PTPRD: variants seen among roughly 807,000 people sequenced by gnomAD.
The protein encoded by PTPRD is receptor-type tyrosine-protein phosphatase delta.
Under a neutral mutation model 214.5 loss-of-function variants are expected in PTPRD, and 34 were observed. That is an observed-to-expected ratio of 0.16 (90% CI 0.12 to 0.21). PTPRD has a LOEUF of 0.21. Ranked by LOEUF, PTPRD falls within the 10% of genes least tolerant of loss-of-function variation. PTPRD has a pLI of 1.00. For synonymous variants in PTPRD, 1,128 were observed against 845.7 expected (o/e 1.33, Z -5.79); for missense variants, 2,545 against 2,398.7 (o/e 1.06, Z -1.27).
intron 8 of PTPRD, among the ~76,000 whole-genome samples, chr9:9,552,875 A>C (rs941336354): frequency 2.0e-5 from 3 of 152,114 alleles, no homozygotes; most frequent in African/African-American, 7.2e-5. Flanking sequence ...TCGTGTTGAC[A>C]GCTGCTATTC....
intron 3 of PTPRD, among the ~76,000 whole-genome samples, chr9:10,332,314 T>C (rs2096765977): frequency 6.6e-6 from 1 of 151,798 alleles, no homozygotes; most frequent in Non-Finnish European, 1.5e-5. Flanking sequence ...CTATGAAGAA[T>C]TTCAACAGGG....
intron 14 of PTPRD, among the ~76,000 whole-genome samples, chr9:8,530,058 C>T (rs536741573): frequency 3.3e-5 from 5 of 152,098 alleles, no homozygotes; most frequent in Admixed American, 6.6e-5. Context: ...TCTGGCATAT[C>T]GCTTCTCCTT....
chr9:9,633,763 AT>A (rs1240688348), intron 7 of PTPRD, among the ~76,000 whole-genome samples: 4 of 152,326 alleles, frequency 2.6e-5, no homozygotes, highest in Admixed American at 1.3e-4. Flanking sequence ...TCGCAAACAT[AT>A]TTTTTAAGGT....
At chr9:8,472,638 T>C (rs184498517) in intron 30 of PTPRD, among the ~76,000 whole-genome samples, 5 of 152,224 alleles carry the variant, frequency 3.3e-5, no homozygotes, top group Admixed American at 2.6e-4. Context: ...TTAAAAAGAG[T>C]GTGAAATATC....
chr9:8,487,027 T>C (rs956749734), intron 27 of PTPRD, among the ~76,000 whole-genome samples: 1 of 152,200 alleles, frequency 6.6e-6, no homozygotes, highest in Non-Finnish European at 1.5e-5. Context: ...TAATATCGTA[T>C]TGACTTACTA....
intron 4 of PTPRD, among the ~76,000 whole-genome samples, chr9:9,989,759 C>A (rs539760812): frequency 1.3e-5 from 2 of 152,298 alleles, no homozygotes; most frequent in East Asian, 3.9e-4. Flanking sequence ...TGACACACAC[C>A]CGCTGGGGCT....
Position 9,349,769 on chromosome 9 carries a change from T to C in PTPRD, c.-203+47680A>G, listed in dbSNP as rs532106885. 2.0e-3 allele frequency among the ~76,000 whole-genome samples: 304 copies of C among 151,986 alleles called. 1 individual carries two copies. Among genetic ancestry groups the C allele is most frequent in the Non-Finnish European group, 2.9e-3 (197 of 67,986 alleles). ...GCACCCATCACATGTTTTTTTTTTG[T>C]GCTATAAATAATTGTAAATATGTCT... On this transcript the variant is annotated intron_variant, in intron 9 of 45. Coordinates refer to ENST00000381196, the MANE Select transcript of PTPRD (RefSeq NM_002839.4).
chr9:8,558,084 T>C (rs1333275610), intron 14 of PTPRD, among the ~76,000 whole-genome samples: 1 of 152,128 alleles, frequency 6.6e-6, no homozygotes, highest in Non-Finnish European at 1.5e-5. Flanking sequence ...ATAGAAATAA[T>C]GATGTGTGTC....
intron 7 of PTPRD, among the ~76,000 whole-genome samples, chr9:9,732,211 T>A (rs1010316326): frequency 6.6e-6 from 1 of 152,100 alleles, no homozygotes; most frequent in Admixed American, 6.6e-5. Flanking sequence ...AACAACCTTA[T>A]TAGCTTTGAG....
chr9:8,623,330 C>T (rs1186814220), intron 14 of PTPRD, among the ~76,000 whole-genome samples: 1 of 151,772 alleles, frequency 6.6e-6, no homozygotes, highest in Admixed American at 6.6e-5. Context: ...AAGTATACTC[C>T]CCTATCACTT....
chr9:9,331,193 C>G (rs1030123033), intron 9 of PTPRD, among the ~76,000 whole-genome samples: 2 of 152,032 alleles, frequency 1.3e-5, no homozygotes, highest in African/African-American at 4.8e-5. Flanking sequence ...CTCTCCAAAA[C>G]CAGCTTTCAC....
At chr9:8,805,696 G>A (rs2096662997) in intron 11 of PTPRD, among the ~76,000 whole-genome samples, 1 of 151,120 alleles carries the variant, frequency 6.6e-6, no homozygotes, top group South Asian at 2.1e-4. Flanking sequence ...TCCACCCCCT[G>A]GGTTCAAGAA....
chr9:10,429,828 G>T (rs950978632), intron 2 of PTPRD, among the ~76,000 whole-genome samples: 7 of 151,814 alleles, frequency 4.6e-5, no homozygotes, highest in Non-Finnish European at 1.0e-4. Flanking sequence ...CATATTAATT[G>T]TTTTCACAAC....
intron 10 of PTPRD, among the ~76,000 whole-genome samples, chr9:9,138,041 G>A (rs930141569): frequency 2.6e-5 from 4 of 152,120 alleles, no homozygotes; most frequent in Non-Finnish European, 2.9e-5. Context: ...GGATAGAGCT[G>A]AGATACTACA....
At chr9:10,461,475 A>G (rs2098958201) in intron 2 of PTPRD, among the ~76,000 whole-genome samples, 2 of 152,220 alleles carry the variant, frequency 1.3e-5, no homozygotes, top group East Asian at 1.9e-4. Flanking sequence ...TGAAGAAACT[A>G]TCATAGTTTA....
intron 4 of PTPRD, among the ~76,000 whole-genome samples, chr9:9,953,986 G>T (rs1309415315): frequency 6.6e-6 from 1 of 151,906 alleles, no homozygotes; most frequent in African/African-American, 2.4e-5. Flanking sequence ...AAGGACTCTA[G>T]GTATATAGGG....
intron 9 of PTPRD, among the ~76,000 whole-genome samples, chr9:9,366,861 C>T (rs536623866): frequency 1.7e-4 from 25 of 151,136 alleles, no homozygotes; most frequent in African/African-American, 6.0e-4. Flanking sequence ...GTCAACTGAT[C>T]TTTGGGTAAA....
intron 12 of PTPRD, among the ~76,000 whole-genome samples, chr9:8,658,102 T>G (rs1343147937): frequency 6.6e-6 from 1 of 152,114 alleles, no homozygotes; most frequent in Non-Finnish European, 1.5e-5. Flanking sequence ...ATGCAGAAAA[T>G]GTAGAAGTTA....
At chr9:9,149,215 C>T (rs776054515) in intron 10 of PTPRD, among the ~76,000 whole-genome samples, 5 of 152,136 alleles carry the variant, frequency 3.3e-5, no homozygotes, top group Non-Finnish European at 7.4e-5. Flanking sequence ...CATTATCTAC[C>T]TCGTAGCCTT....
Sources: allele counts gnomAD v4.1 joint callset (sites outside exome capture counted in the v4.1 genomes callset), GRCh38; gene constraint gnomAD v4.1.1; transcripts MANE v1.5; gene names NCBI Gene and HGNC (gene_info 2026-07-23, HGNC 2026-07-21).